Variants in CAND2 observed in about 807,000 individuals in gnomAD.
CAND2 encodes cullin associated and neddylation dissociated 2 (putative).
In CAND2, 62 loss-of-function variants were observed where a neutral mutation model predicts 98.9. The ratio of observed to expected loss-of-function variants is 0.63; its 90% confidence interval spans 0.51 to 0.77. CAND2 has a LOEUF of 0.77. Among genes scored for constraint, CAND2 ranks in the 30% least tolerant of loss-of-function variants. The pLI is 0.00. For missense variants in CAND2, 1,501 were observed against 1,655.2 expected (o/e 0.91, Z 1.62); for synonymous variants, 770 against 731.9 (o/e 1.05, Z -0.84).
intron 2 of CAND2, among the ~76,000 whole-genome samples, chr3:12,805,776 C>A (rs753593978): frequency 6.6e-6 from 1 of 152,154 alleles, no homozygotes; most frequent in Non-Finnish European, 1.5e-5. Context: ...ATAGAAAGGC[C>A]TTTTGCCTAT....
At chr3:12,830,902 C>G (rs372283977) in intron 13 of CAND2, among the ~76,000 whole-genome samples, 4 of 152,138 alleles carry the variant, frequency 2.6e-5, no homozygotes, top group East Asian at 3.9e-4. Flanking sequence ...TTCAGACAAC[C>G]AGTCTTTATG....
chr3:12,827,861 T>A (rs2062016988), intron 13 of CAND2, among the ~76,000 whole-genome samples: 1 of 152,012 alleles, frequency 6.6e-6, no homozygotes, highest in African/African-American at 2.4e-5. Context: ...CTTATGCCTG[T>A]AATCCCAGCA....
intron 10 of CAND2, among the ~76,000 whole-genome samples, chr3:12,818,276 AAAC>A (rs2061926102): frequency 3.9e-5 from 6 of 152,218 alleles, no homozygotes; most frequent in African/African-American, 1.2e-4. Context: ...AAAAAAAACA[AAAC>A]AAAAAACCTC....
intron 10 of CAND2, among the ~76,000 whole-genome samples, chr3:12,819,535 G>GC (rs562954028): frequency 7.3e-4 from 111 of 152,318 alleles, no homozygotes; most frequent in African/African-American, 2.1e-3. Context: ...CTGTGACCGA[G>GC]CCTGGAGGTG....
chr3:12,800,763 C>G (rs1294171817), intron 1 of CAND2, among the ~76,000 whole-genome samples: 1 of 152,146 alleles, frequency 6.6e-6, no homozygotes, highest in Non-Finnish European at 1.5e-5. Flanking sequence ...CACTCTGTCA[C>G]CCAGGCTGGA....
chr3:12,805,815 C>G (rs2061802211), intron 2 of CAND2, among the ~76,000 whole-genome samples: 1 of 152,220 alleles, frequency 6.6e-6, no homozygotes, highest in Admixed American at 6.5e-5. Context: ...GTTAGAACCT[C>G]TTGCGGGGCA....
intron 13 of CAND2, among the ~76,000 whole-genome samples, chr3:12,830,866 T>C (rs2062048017): frequency 6.6e-6 from 1 of 151,986 alleles, no homozygotes; most frequent in Non-Finnish European, 1.5e-5. Flanking sequence ...GGGGTCAGGG[T>C]GTGGAGATGG....
At chr3:12,804,080 C>A (rs377011973) in intron 2 of CAND2, among the ~76,000 whole-genome samples, 3 of 152,238 alleles carry the variant, frequency 2.0e-5, no homozygotes, top group African/African-American at 7.2e-5. Context: ...GGGTTGTCCA[C>A]TGCCTGCCAC....
In CAND2 at chr3:12,817,401, C is replaced by T. The variant is rs1393158081; in HGVS notation, c.2469C>T (p.Ala823=). The T allele has an allele frequency of 6.2e-7, 1 of 1,613,800 alleles. No homozygotes were observed. Among genetic ancestry groups the T allele is most frequent in the South Asian group, 1.1e-5 (1 of 91,088 alleles). Residue 823 remains alanine (A), a synonymous_variant, in exon 10 of 15, where the codon GCC becomes GCT. Coordinates refer to ENST00000456430, the MANE Select transcript of CAND2 (RefSeq NM_001162499.2). ...GTCCCCAAGAGGCGGCAAGCACAGCCAGTCGCCTGGTCTGCGATGCCAGGT... is the reference window on the plus strand; with the variant it reads ...GTCCCCAAGAGGCGGCAAGCACAGCTAGTCGCCTGGTCTGCGATGCCAGGT... ...AACPQEAAST[A]SRLVCDARSP...
rs767851676 is a variant in CAND2 at position 12,816,771 on chromosome 3, G to C, written c.1839G>C (p.Thr613=). The C allele has an allele frequency of 1.9e-6, 3 of 1,613,566 alleles. No individual in the cohort carries two copies. The Admixed American group carries it at 5.0e-5, about 27-fold the overall frequency. The change falls in exon 10 of 15, where the codon ACG becomes ACC. Residue 613 remains threonine, a synonymous_variant. Coordinates refer to ENST00000456430, the MANE Select transcript of CAND2 (RefSeq NM_001162499.2). ...GDRLGDDLEP[T]LLLLLDRLRN... is the part of the protein sequence containing the mutation. Reference sequence around the variant, plus strand: ...GGCTTGGGGATGACCTGGAGCCCACGTTACTGCTCCTCCTGGACCGCCTGC... The same window carrying C: ...GGCTTGGGGATGACCTGGAGCCCACCTTACTGCTCCTCCTGGACCGCCTGC...
rs77820272 is a variant in CAND2, at chr3:12,830,622, C to A, written c.3376-843C>A. Among the ~76,000 whole-genome samples the A allele has an allele frequency of 1.2e-3, 185 of 152,350 alleles. 2 individuals are homozygous for A. The highest frequency in any genetic ancestry group is 4.3e-3 in the African/African-American group (177 of 41,596). On this transcript the variant is annotated intron_variant, in intron 13 of 14. Transcript: ENST00000456430. ...CTTGGAGTCCACTCTGCTGCCACCC[C>A]CTGGGGTGAGGAGGGTGGGTGTTAC...
At chr3:12,828,369 G>A (rs2124872723) in intron 13 of CAND2, among the ~76,000 whole-genome samples, 1 of 121,508 alleles carries the variant, frequency 8.2e-6, no homozygotes, top group Middle Eastern at 5.8e-3. Flanking sequence ...ACAGGGTCTT[G>A]CACTGTCACT....
rs746417399 is a variant in CAND2, at chr3:12,815,096, G to T, written c.1007-45G>T. Reference sequence around the variant, plus strand: ...CCCTTCTCCCCCGAGCCACAGACCTGTCCTGGGAGATGAGGGTTCCACGTG... The same window carrying T: ...CCCTTCTCCCCCGAGCCACAGACCTTTCCTGGGAGATGAGGGTTCCACGTG... On this transcript the variant is annotated intron_variant, in intron 7 of 14. Coordinates refer to ENST00000456430, the MANE Select transcript of CAND2 (RefSeq NM_001162499.2). The surrounding 1 kb of genome is among the most constrained non-coding windows in gnomAD (Gnocchi z 5.7). 6 of 1,569,986 alleles carry T rather than the reference G, an allele frequency of 3.8e-6. No individual in the cohort carries two copies. Among genetic ancestry groups the T allele is most frequent in the Non-Finnish European group, 4.3e-6 (5 of 1,152,902 alleles).
chr3:12,814,555 G>T (rs1251047806), intron 7 of CAND2, among the ~76,000 whole-genome samples: 1 of 152,138 alleles, frequency 6.6e-6, no homozygotes, highest in African/African-American at 2.4e-5. Flanking sequence ...TATTAATCCT[G>T]CCTGGAAGCC....
At chr3:12,833,698 C>T (rs928605629) in intron 14 of CAND2, 57 bp from the exon 15 acceptor site, 8 of 1,347,166 alleles carry the variant, frequency 5.9e-6, no homozygotes, top group Non-Finnish European at 8.5e-6. Context: ...AGTGAGGAGG[C>T]AGTGGTGTGG....
At chr3:12,801,876 G>A (rs1387141764) in intron 1 of CAND2, among the ~76,000 whole-genome samples, 1 of 152,216 alleles carries the variant, frequency 6.6e-6, no homozygotes, top group East Asian at 1.9e-4. Context: ...AAGCGCTGCT[G>A]GTGATTCTGA....
Position 12,810,082 on chromosome 3 carries a change from T to C in CAND2, c.515T>C (p.Phe172Ser). 2 of 1,443,664 alleles carry C rather than the reference T, an allele frequency of 1.4e-6. No homozygotes were observed. Among genetic ancestry groups the C allele is most frequent in the East Asian group, 2.8e-5 (1 of 35,298 alleles). The allele number at this position is 1,443,664 out of a possible 1,614,324, so 89.4% of individuals were successfully genotyped here. Reference sequence around the variant, plus strand: ...AGGCTGGGTGTCCCGCTGGGCGCCTTCCACGCCAGCCTCCTGCACTGTCTG... The same window carrying C: ...AGGCTGGGTGTCCCGCTGGGCGCCTCCCACGCCAGCCTCCTGCACTGTCTG... ...LSRLGVPLGAFHASLLHCLLP... is the reference protein window; with the variant it reads ...LSRLGVPLGASHASLLHCLLP... Residue 172 changes from phenylalanine (F) to serine (S), a missense_variant, in exon 5 of 15, where the codon TTC becomes TCC. Phe to Ser is a radical substitution (Grantham distance 155). Around this residue, in one of 3 missense-constraint regions of CAND2, gnomAD observed 1,427 missense variants for 1,545.3 expected, o/e 0.92. Coordinates refer to ENST00000456430, the MANE Select transcript of CAND2 (RefSeq NM_001162499.2).
In CAND2 at chr3:12,796,732, C is replaced by T; in HGVS notation, c.12C>T (p.Ala4=). Residue 4 remains alanine, a synonymous_variant, in exon 1 of 15, where the codon GCC becomes GCT. Transcript: ENST00000456430. MST[A]AFHISSLLEK... is the part of the protein sequence containing the mutation. ...GGCGCGCAGCCACCATGAGCACCGC[C>T]GCCTTCCACATCTCCAGCCTCCTGG... is the stretch of plus-strand genomic sequence containing the variant. The T allele has an allele frequency of 1.3e-6, 2 of 1,586,986 alleles. No individual in the cohort carries two copies. The highest frequency in any genetic ancestry group is 1.7e-6 in the Non-Finnish European group (2 of 1,167,170).
intron 1 of CAND2, among the ~76,000 whole-genome samples, chr3:12,801,922 C>A (rs984721624): frequency 6.6e-5 from 10 of 152,208 alleles, no homozygotes; most frequent in Admixed American, 4.6e-4. Context: ...GCTCTAAGGG[C>A]AGGGACTGAG....
Sources: allele counts gnomAD v4.1 joint callset (sites outside exome capture counted in the v4.1 genomes callset), GRCh38; gene constraint gnomAD v4.1.1; regional missense constraint gnomAD v4.1.1; non-coding constraint Gnocchi (gnomAD v3.1); transcripts MANE v1.5; gene names NCBI Gene and HGNC (gene_info 2026-07-23, HGNC 2026-07-21).